The following DNAJC1 variants were observed in gnomAD, a reference collection of about 807,000 sequenced individuals.
DNAJC1 encodes dnaJ homolog subfamily C member 1.
DNAJC1 carries 58 observed loss-of-function variants against 76.6 expected under a neutral mutation model. The observed-to-expected ratio is 0.76, with a 90% confidence interval of 0.61 to 0.94. The LOEUF is 0.94. DNAJC1 is among the 40% of genes least tolerant of loss of function. DNAJC1 has a pLI of 0.00. For missense variants in DNAJC1, 689 were observed against 677.3 expected (o/e 1.02, Z -0.19); for synonymous variants, 258 against 267.9 (o/e 0.96, Z 0.36).
At chr10:21,804,786 A>C (rs930463556) in intron 9 of DNAJC1, among the ~76,000 whole-genome samples, 4 of 152,062 alleles carry the variant, frequency 2.6e-5, no homozygotes, top group Non-Finnish European at 5.9e-5. Context: ...TAAATGACCT[A>C]TACAGTAGTA....
chr10:21,772,929 C>T (rs2131622532), intron 9 of DNAJC1, among the ~76,000 whole-genome samples: 1 of 152,230 alleles, frequency 6.6e-6, no homozygotes, highest in Admixed American at 6.5e-5. Flanking sequence ...GGAGGCAGCA[C>T]TTCACATGCC....
At chr10:21,836,856 T>C (rs1835468284) in intron 8 of DNAJC1, among the ~76,000 whole-genome samples, 3 of 152,244 alleles carry the variant, frequency 2.0e-5, no homozygotes, top group African/African-American at 7.2e-5. Context: ...CAAAGAGACT[T>C]AGACTCCCAC....
intron 1 of DNAJC1, among the ~76,000 whole-genome samples, chr10:21,962,068 T>G (rs1477770740): frequency 6.6e-6 from 1 of 152,214 alleles, no homozygotes; most frequent in Admixed American, 6.5e-5. Context: ...TCTACCCTTA[T>G]CTAAAACTGC....
chr10:21,966,292 T>C (rs899491118), intron 1 of DNAJC1, among the ~76,000 whole-genome samples: 1 of 152,188 alleles, frequency 6.6e-6, no homozygotes, highest in African/African-American at 2.4e-5. Context: ...CCTATGAAGT[T>C]ACCATTTTTC....
intron 10 of DNAJC1, 80 bp downstream of exon 10, chr10:21,766,181 T>TTTA (rs1158824674): frequency 9.2e-7 from 1 of 1,083,042 alleles, no homozygotes; most frequent in African/African-American, 1.6e-5. Flanking sequence ...GACCCTTGTA[T>TTTA]TTAAAGAAGT....
intron 8 of DNAJC1, among the ~76,000 whole-genome samples, chr10:21,853,700 A>G (rs1835788788): frequency 6.9e-6 from 1 of 144,592 alleles, no homozygotes; most frequent in African/African-American, 2.6e-5. Flanking sequence ...AGGCTGAGGC[A>G]GGAGAATTGC....
intron 3 of DNAJC1, 83 bp downstream of exon 3, chr10:21,928,418 TAATAA>T: frequency 8.6e-7 from 1 of 1,159,628 alleles, no homozygotes; most frequent in Non-Finnish European, 1.3e-6. Context: ...GCTAACATAA[TAATAA>T]AATGTTTAAG....
chr10:21,814,737 C>T (rs372041170), intron 8 of DNAJC1, among the ~76,000 whole-genome samples: 3 of 152,038 alleles, frequency 2.0e-5, no homozygotes, highest in Non-Finnish European at 4.4e-5. Context: ...CCAAGGACGA[C>T]GACTTGAAGA....
chr10:21,945,474 C>T (rs1402862638), intron 1 of DNAJC1, among the ~76,000 whole-genome samples: 1 of 151,986 alleles, frequency 6.6e-6, no homozygotes, highest in East Asian at 1.9e-4. Flanking sequence ...GATAGCAGCA[C>T]TGACAGTATG....
At chr10:21,861,430 C>T (rs936006801) in intron 8 of DNAJC1, among the ~76,000 whole-genome samples, 5 of 152,144 alleles carry the variant, frequency 3.3e-5, no homozygotes, top group African/African-American at 7.2e-5. Context: ...ATGAATTTAA[C>T]GCTTACCTCA....
chr10:21,876,964 A>G (rs1182878194), intron 8 of DNAJC1, among the ~76,000 whole-genome samples: 1 of 152,192 alleles, frequency 6.6e-6, no homozygotes, highest in Non-Finnish European at 1.5e-5. Context: ...AAAAATCTTT[A>G]TAATTTTGAG....
intron 10 of DNAJC1, among the ~76,000 whole-genome samples, chr10:21,761,109 G>A (rs1834235040): frequency 6.6e-6 from 1 of 152,198 alleles, no homozygotes; most frequent in Non-Finnish European, 1.5e-5. Flanking sequence ...GAACCCAGGA[G>A]GCAGAGGCTG....
chr10:21,814,058 T>C (rs1322009359), intron 8 of DNAJC1, among the ~76,000 whole-genome samples: 1 of 152,200 alleles, frequency 6.6e-6, no homozygotes, highest in Non-Finnish European at 1.5e-5. Context: ...GTTTTGGTGA[T>C]GAGGATGGGA....
chr10:21,811,349 G>T (rs1834962590), intron 8 of DNAJC1, among the ~76,000 whole-genome samples: 1 of 152,144 alleles, frequency 6.6e-6, no homozygotes, highest in African/African-American at 2.4e-5. Flanking sequence ...ATTGTATTAA[G>T]CCCATATATG....
chr10:21,768,370 T>G (rs984491430), intron 9 of DNAJC1, among the ~76,000 whole-genome samples: 32 of 151,966 alleles, frequency 2.1e-4, no homozygotes, highest in Non-Finnish European at 4.0e-4. Flanking sequence ...GAGCCGAGAG[T>G]CAGGCAGATC....
intron 8 of DNAJC1, among the ~76,000 whole-genome samples, chr10:21,857,245 T>C (rs1324074343): frequency 1.3e-5 from 2 of 152,212 alleles, no homozygotes; most frequent in African/African-American, 2.4e-5. Context: ...TAAGAACCAT[T>C]AAAAGTCCTT....
At chr10:21,785,047 T>A (rs1186710532) in intron 9 of DNAJC1, among the ~76,000 whole-genome samples, 3 of 152,040 alleles carry the variant, frequency 2.0e-5, no homozygotes, top group Admixed American at 6.6e-5. Context: ...ACTTAAAATA[T>A]AATAATAAAA....
intron 9 of DNAJC1, among the ~76,000 whole-genome samples, chr10:21,778,175 C>A (rs1716959227): frequency 6.6e-6 from 1 of 151,922 alleles, no homozygotes. Flanking sequence ...GCCTGGGCGA[C>A]AGAGTGAGAC....
At chr10:21,878,073 T>C (rs1836216647) in intron 8 of DNAJC1, among the ~76,000 whole-genome samples, 1 of 152,180 alleles carries the variant, frequency 6.6e-6, no homozygotes, top group South Asian at 2.1e-4. Flanking sequence ...TCTACTATAC[T>C]TATAAAGCAA....
Sources: gnomAD v4.1 joint callset for allele counts (sites outside exome capture counted in the v4.1 genomes callset) on GRCh38, gnomAD v4.1.1 for gene constraint, MANE v1.5 for transcripts, NCBI Gene and HGNC (gene_info 2026-07-23, HGNC 2026-07-21) for gene names.